SLC20A2: variants seen among roughly 807,000 people sequenced by gnomAD.
SLC20A2 encodes the protein sodium-dependent phosphate transporter 2.
Under a neutral mutation model 61.0 loss-of-function variants are expected in SLC20A2, and 30 were observed. The observed-to-expected ratio is 0.49, with a 90% CI of 0.37 to 0.67. The LOEUF is 0.67. Ranked by LOEUF, SLC20A2 falls within the 30% of genes least tolerant of loss-of-function variation. The probability of loss-of-function intolerance (pLI) is 0.00; values close to 1 mark genes in which losing one functional copy is unlikely to be tolerated. For missense variants in SLC20A2, 626 were observed against 866.4 expected (o/e 0.72, Z 3.48); for synonymous variants, 351 against 353.3 (o/e 0.99, Z 0.07).
chr8:42,508,642 C>T (rs1240873450), intron 1 of SLC20A2, among the ~76,000 whole-genome samples: 1 of 152,178 alleles, frequency 6.6e-6, no homozygotes, highest in East Asian at 1.9e-4. Flanking sequence ...CCGTCCGCCT[C>T]GGCCTCCCAA....
At chr8:42,533,017 G>A (rs564724158) in intron 1 of SLC20A2, among the ~76,000 whole-genome samples, 3 of 152,124 alleles carry the variant, frequency 2.0e-5, no homozygotes, top group Non-Finnish European at 4.4e-5. Context: ...TATAAAAGTG[G>A]GACCAAGTGA....
intron 8 of SLC20A2, 68 bp from the exon 9 acceptor site, chr8:42,430,317 T>A (rs962326533): frequency 1.5e-6 from 2 of 1,337,338 alleles, no homozygotes; most frequent in Admixed American, 2.4e-5. Context: ...TACAGGTGAC[T>A]TTGTTTTATT....
intron 10 of SLC20A2, among the ~76,000 whole-genome samples, chr8:42,425,594 A>C (rs1264343068): frequency 3.9e-5 from 6 of 152,204 alleles, no homozygotes; most frequent in Non-Finnish European, 7.3e-5. Context: ...CTTTGTCCAG[A>C]AGTCCACGAT....
chr8:42,512,636 C>T (rs1476685273), intron 1 of SLC20A2, among the ~76,000 whole-genome samples: 1 of 152,136 alleles, frequency 6.6e-6, no homozygotes, highest in Non-Finnish European at 1.5e-5. Context: ...CAGGCCTGAG[C>T]CACCACGTCC....
rs762327751 is a variant in SLC20A2 at position 42,437,916 on chromosome 8, A to C, written c.935-339T>G. The stretch of plus-strand genomic sequence containing the variant: ...AGCGTGAGCCAACGTGCCCAGCCCC[A>C]GCCTTTCGAATATAAGCGAAGGAAA... On this transcript the variant is annotated intron_variant, in intron 7 of 10. Coordinates refer to ENST00000520262, the MANE Select transcript of SLC20A2 (RefSeq NM_001257180.2). This position sits in a 1 kb window ranked among gnomAD's most constrained non-coding sequence, Gnocchi z 6.4. 2.0e-5 allele frequency among the ~76,000 whole-genome samples: 3 copies of C among 151,878 alleles called. No homozygotes were observed. The highest frequency in any genetic ancestry group is 2.4e-5 in the African/African-American group (1 of 41,374).
Position 42,459,733 on chromosome 8 carries a change from T to A in SLC20A2, c.613+163A>T, listed in dbSNP as rs558093346. 2.5e-3 allele frequency among the ~76,000 whole-genome samples: 381 copies of A among 152,284 alleles called. 1 individual carries two copies. Among genetic ancestry groups the A allele is most frequent in the Middle Eastern group, 0.014 (4 of 294 alleles). On this transcript the variant is annotated intron_variant, in intron 5 of 10. Transcript: ENST00000520262. ...TCTTTTTACTATTCTATAATGACCATGAGTAACGCATTTTACTATCAGCCA... is the reference window on the plus strand; with the variant it reads ...TCTTTTTACTATTCTATAATGACCAAGAGTAACGCATTTTACTATCAGCCA...
chr8:42,429,341 C>T (rs927715154), intron 9 of SLC20A2, among the ~76,000 whole-genome samples: 27 of 152,308 alleles, frequency 1.8e-4, no homozygotes, highest in Admixed American at 1.6e-3. Flanking sequence ...GCTATTTTAG[C>T]TTTCTCTGCA....
At chr8:42,533,944 T>C (rs1289239632) in intron 1 of SLC20A2, among the ~76,000 whole-genome samples, 2 of 113,296 alleles carry the variant, frequency 1.8e-5, no homozygotes, top group African/African-American at 8.0e-5. Context: ...CCCTGTTCGT[T>C]ACTTACAAAA....
chr8:42,509,439 A>G (rs1810907248), intron 1 of SLC20A2, among the ~76,000 whole-genome samples: 2 of 152,100 alleles, frequency 1.3e-5, no homozygotes, highest in Admixed American at 1.3e-4. Flanking sequence ...TTGCTGATAC[A>G]AGATGCTAGG....
chr8:42,432,642 ATTG>A (rs1158251189), intron 8 of SLC20A2, among the ~76,000 whole-genome samples: 2 of 152,188 alleles, frequency 1.3e-5, no homozygotes, highest in African/African-American at 4.8e-5. Flanking sequence ...GGCAAATTTC[ATTG>A]TTGTCTTAAT....
At chr8:42,487,379 G>A (rs371059975) in intron 1 of SLC20A2, among the ~76,000 whole-genome samples, 3 of 150,142 alleles carry the variant, frequency 2.0e-5, no homozygotes, top group Non-Finnish European at 3.0e-5. Flanking sequence ...GGGTTTCACC[G>A]TGTTAGCCAG....
chr8:42,498,669 G>C (rs550210475), intron 1 of SLC20A2, among the ~76,000 whole-genome samples: 1 of 152,064 alleles, frequency 6.6e-6, no homozygotes, highest in African/African-American at 2.4e-5. Context: ...TTTTTAAGAC[G>C]GACGGAAGCT....
chr8:42,448,892 G>A (rs902289116), intron 5 of SLC20A2, among the ~76,000 whole-genome samples: 1 of 152,152 alleles, frequency 6.6e-6, no homozygotes, highest in African/African-American at 2.4e-5. Context: ...AGGCCTGCAT[G>A]TGAAAAAAGT....
intron 2 of SLC20A2, among the ~76,000 whole-genome samples, chr8:42,467,074 C>A (rs969793266): frequency 1.3e-5 from 2 of 152,156 alleles, no homozygotes; most frequent in African/African-American, 2.4e-5. Flanking sequence ...TCCCAAAGTG[C>A]TGGGATGACA....
At chr8:42,519,025 GCA>G (rs1019416641) in intron 1 of SLC20A2, among the ~76,000 whole-genome samples, 2 of 152,240 alleles carry the variant, frequency 1.3e-5, no homozygotes, top group Admixed American at 6.5e-5. Flanking sequence ...GTAGTCTAAT[GCA>G]CAGAGGACAG....
At chr8:42,523,501 T>A (rs2131406862) in intron 1 of SLC20A2, among the ~76,000 whole-genome samples, 1 of 152,314 alleles carries the variant, frequency 6.6e-6, no homozygotes, top group Admixed American at 6.5e-5. Context: ...GTATCTCACT[T>A]AATTTTAAAG....
intron 10 of SLC20A2, among the ~76,000 whole-genome samples, chr8:42,427,466 G>A (rs1017252424): frequency 2.6e-5 from 4 of 152,196 alleles, no homozygotes; most frequent in Non-Finnish European, 5.9e-5. Context: ...GGGAGTGACA[G>A]TTCCGCCCCC....
intron 1 of SLC20A2, among the ~76,000 whole-genome samples, chr8:42,494,075 C>T (rs1303334711): frequency 6.6e-6 from 1 of 152,126 alleles, no homozygotes; most frequent in African/African-American, 2.4e-5. Flanking sequence ...CTGGGGGAGT[C>T]AAGGTTGCTG....
chr8:42,525,249 GA>G (rs1301639490), intron 1 of SLC20A2, among the ~76,000 whole-genome samples: 1 of 152,094 alleles, frequency 6.6e-6, no homozygotes, highest in African/African-American at 2.4e-5. Flanking sequence ...TCACGCCTCT[GA>G]AATCTGCTTA....
Sources: allele counts gnomAD v4.1 joint callset (sites outside exome capture counted in the v4.1 genomes callset), GRCh38; gene constraint gnomAD v4.1.1; non-coding constraint Gnocchi (gnomAD v3.1); transcripts MANE v1.5; gene names NCBI Gene and HGNC (gene_info 2026-07-23, HGNC 2026-07-21).